The following RSRC1 variants were observed in gnomAD, a reference collection of about 807,000 sequenced individuals.
RSRC1 encodes serine/Arginine-related protein 53.
In RSRC1, 39 loss-of-function variants were observed where a neutral mutation model predicts 49.1. The ratio of observed to expected loss-of-function variants is 0.79; its 90% confidence interval spans 0.61 to 1.04. RSRC1 has a LOEUF of 1.04. RSRC1 is among the 50% of genes least tolerant of loss of function. The pLI, the probability that RSRC1 is intolerant of heterozygous loss-of-function variation, is 0.00. For missense variants in RSRC1, 388 were observed against 402.4 expected, an observed-to-expected ratio of 0.96 and a Z score of 0.31; for synonymous variants, 143 against 130.8, an observed-to-expected ratio of 1.09 and a Z score of -0.63.
chr3:158,155,232 A>G (rs1449911558), intron 3 of RSRC1, among the ~76,000 whole-genome samples: 4 of 152,196 alleles, frequency 2.6e-5, no homozygotes, highest in Admixed American at 2.0e-4. Flanking sequence ...GCCCAGATTC[A>G]TCAGAGAAGT....
intron 4 of RSRC1, among the ~76,000 whole-genome samples, chr3:158,272,818 C>G (rs1349012852): frequency 6.6e-6 from 1 of 151,998 alleles, no homozygotes. Flanking sequence ...CTCCCATATA[C>G]CCTTTACATA....
At chr3:158,199,941 GGT>G (rs770058668) in intron 3 of RSRC1, among the ~76,000 whole-genome samples, 3 of 151,586 alleles carry the variant, frequency 2.0e-5, no homozygotes, top group Non-Finnish European at 4.4e-5. Context: ...TTTTATTTTG[GGT>G]GACACTCTTA....
intron 7 of RSRC1, among the ~76,000 whole-genome samples, chr3:158,482,843 G>A (rs1738670225): frequency 6.6e-6 from 1 of 151,848 alleles, no homozygotes; most frequent in South Asian, 2.1e-4. Context: ...TATTGTAATT[G>A]TATTGCCAAA....
At chr3:158,339,147 C>T (rs1001036487) in intron 5 of RSRC1, among the ~76,000 whole-genome samples, 9 of 151,708 alleles carry the variant, frequency 5.9e-5, no homozygotes, top group Non-Finnish European at 1.3e-4. Context: ...AAAAAATTAG[C>T]CGGGCGCGGT....
Position 158,445,203 on chromosome 3 carries a change from G to A in RSRC1, c.584-15732G>A, listed in dbSNP as rs570120964. Among the ~76,000 whole-genome samples, 26 of 152,150 alleles carry A rather than the reference G, an allele frequency of 1.7e-4. No homozygotes were observed. In the South Asian group the frequency reaches 2.1e-3, roughly 12 times the overall value. On this transcript the variant is annotated intron_variant, in intron 6 of 9. Transcript: ENST00000611884. ...CATGCTACTATAAAGACATATGCAC[G>A]GGTATGTTTATTGCGGCACTATTCA...
intron 1 of RSRC1, among the ~76,000 whole-genome samples, chr3:158,121,759 A>G (rs1330306540): frequency 1.3e-5 from 2 of 152,230 alleles, no homozygotes; most frequent in African/African-American, 4.8e-5. Context: ...GATATAAAGA[A>G]CTGCTCTCAG....
Position 158,264,792 on chromosome 3 carries a change from G to A in RSRC1, c.495-33247G>A, listed in dbSNP as rs113677957. ...GTGCTAACCATTCCCCACAACTGAG[G>A]AATGAACGTCCTGGGTATTTTAACC... On this transcript the variant is annotated intron_variant, in intron 4 of 9. Transcript: ENST00000611884. 7.2e-3 allele frequency among the ~76,000 whole-genome samples: 1,092 copies of A among 152,290 alleles called. 17 individuals are homozygous for A. The highest frequency in any genetic ancestry group is 0.025 in the African/African-American group (1,058 of 41,562).
chr3:158,521,342 C>T (rs921338520), intron 7 of RSRC1, among the ~76,000 whole-genome samples: 1 of 152,088 alleles, frequency 6.6e-6, no homozygotes, highest in African/African-American at 2.4e-5. Context: ...CCTTCTACTG[C>T]CCACATCTTC....
intron 8 of RSRC1, 151 bp downstream of exon 8, chr3:158,537,349 AG>A (rs753012868): frequency 7.2e-5 from 37 of 517,364 alleles, no homozygotes; most frequent in Non-Finnish European, 1.1e-4. Flanking sequence ...AAAACAAATC[AG>A]GGAGACTCAG....
chr3:158,542,333 T>C (rs542056254), intron 8 of RSRC1, among the ~76,000 whole-genome samples: 3 of 152,134 alleles, frequency 2.0e-5, no homozygotes, highest in African/African-American at 7.2e-5. Context: ...GAGTTCGAGA[T>C]CACCCTGGCC....
chr3:158,260,596 A>G (rs1475574926), intron 4 of RSRC1, among the ~76,000 whole-genome samples: 1 of 152,154 alleles, frequency 6.6e-6, no homozygotes, highest in African/African-American at 2.4e-5. Flanking sequence ...GCGCATTTCA[A>G]GTACTCTGGC....
rs572994465 is a variant in RSRC1, at chr3:158,371,186, CATAA to C, written c.583+16282_583+16285del. Among the ~76,000 whole-genome samples the C allele has an allele frequency of 5.6e-4, 85 of 151,918 alleles. No homozygotes were observed. The South Asian group carries it at 0.012, about 22-fold the overall frequency. On this transcript the variant is annotated intron_variant, in intron 6 of 9. Transcript: ENST00000611884. Reference sequence around the variant, plus strand: ...CTAAATACAAATCAGTTATATACTTCATAAATATTTTCTCCCAGTCCTTGTCTTG... The same window carrying C: ...CTAAATACAAATCAGTTATATACTTCATATTTTCTCCCAGTCCTTGTCTTG...
chr3:158,536,369 G>A (rs1712712418), intron 7 of RSRC1, among the ~76,000 whole-genome samples: 1 of 151,378 alleles, frequency 6.6e-6, no homozygotes, highest in South Asian at 2.1e-4. Context: ...GGCAATGAAA[G>A]GGAAAGGCAG....
At chr3:158,457,874 T>C (rs1737423400) in intron 6 of RSRC1, among the ~76,000 whole-genome samples, 1 of 152,034 alleles carries the variant, frequency 6.6e-6, no homozygotes, top group African/African-American at 2.4e-5. Context: ...GAAAAGGCAG[T>C]AGCTTGGTTA....
intron 5 of RSRC1, among the ~76,000 whole-genome samples, chr3:158,353,880 G>A (rs573382070): frequency 2.6e-4 from 40 of 151,052 alleles, no homozygotes; most frequent in African/African-American, 9.7e-4. Flanking sequence ...CAGGTCTTTA[G>A]TAAAAAGTCA....
intron 4 of RSRC1, among the ~76,000 whole-genome samples, chr3:158,247,125 C>T (rs1723945838): frequency 6.6e-6 from 1 of 152,006 alleles, no homozygotes; most frequent in South Asian, 2.1e-4. Context: ...ATTCAGAAAG[C>T]CAGTCTTCTA....
intron 6 of RSRC1, among the ~76,000 whole-genome samples, chr3:158,410,571 T>C (rs1481372336): frequency 6.6e-6 from 1 of 152,180 alleles, no homozygotes; most frequent in African/African-American, 2.4e-5. Context: ...CGTATCTGTT[T>C]TGTATACCAT....
intron 6 of RSRC1, among the ~76,000 whole-genome samples, chr3:158,432,986 GTTAAT>G (rs1370662527): frequency 1.3e-5 from 2 of 151,764 alleles, no homozygotes; most frequent in Non-Finnish European, 2.9e-5. Context: ...TGCTTCGTAA[GTTAAT>G]TTAATAACAC....
intron 8 of RSRC1, among the ~76,000 whole-genome samples, chr3:158,538,054 A>T (rs1712815263): frequency 6.6e-6 from 1 of 151,766 alleles, no homozygotes; most frequent in South Asian, 2.1e-4. Flanking sequence ...ACCAATTCAA[A>T]TTCCACCCAA....
Sources: gnomAD v4.1 joint callset for allele counts (sites outside exome capture counted in the v4.1 genomes callset) on GRCh38, gnomAD v4.1.1 for gene constraint, MANE v1.5 for transcripts, NCBI Gene and HGNC (gene_info 2026-07-23, HGNC 2026-07-21) for gene names.